Variants in TTC27 observed in about 807,000 individuals in gnomAD.
TTC27 encodes the protein tetratricopeptide repeat domain 27.
Under a neutral mutation model 115.9 loss-of-function variants are expected in TTC27, and 79 were observed. The observed-to-expected ratio is 0.68, with a 90% CI of 0.57 to 0.82. The LOEUF (loss-of-function observed/expected upper bound fraction) is 0.82, where lower values mean the gene tolerates loss of function less well. Among genes scored for constraint, TTC27 ranks in the 40% least tolerant of loss-of-function variants. The pLI, the probability that TTC27 is intolerant of heterozygous loss-of-function variation, is 0.00. For synonymous variants in TTC27, 401 were observed against 356.0 expected, an observed-to-expected ratio of 1.13 and a Z score of -1.42; for missense variants, 1,054 against 993.1, an observed-to-expected ratio of 1.06 and a Z score of -0.82.
At chr2:32,790,099 A>T (rs1195382462) in intron 16 of TTC27, among the ~76,000 whole-genome samples, 2 of 151,902 alleles carry the variant, frequency 1.3e-5, no homozygotes, top group Non-Finnish European at 2.9e-5. Flanking sequence ...TTTAACTTTT[A>T]TCTTAAGTAG....
chr2:32,644,141 A>G (rs1421913116), intron 4 of TTC27, among the ~76,000 whole-genome samples: 1 of 145,416 alleles, frequency 6.9e-6, no homozygotes, highest in East Asian at 2.0e-4. Context: ...AGATCGTTCC[A>G]CTGCACACCA....
intron 3 of TTC27, among the ~76,000 whole-genome samples, chr2:32,639,059 C>G (rs1023013629): frequency 1.3e-5 from 2 of 152,132 alleles, no homozygotes; most frequent in Non-Finnish European, 2.9e-5. Flanking sequence ...GTCTTGATCT[C>G]CTGACCTCGT....
chr2:32,642,247 A>ATTTTT lies in TTC27; in HGVS notation c.537+1855_537+1859dup, dbSNP rs10634857. ...CTAAGCATTTAAGTTTATACACTAA[A>ATTTTT]TTTTTTTTTTTTTTTTTTTTTTGAG... On this transcript the variant is annotated intron_variant, in intron 4 of 19. Coordinates refer to ENST00000317907, the MANE Select transcript of TTC27 (RefSeq NM_017735.5). Among the ~76,000 whole-genome samples the ATTTTT allele has an allele frequency of 9.1e-4, 93 of 102,148 alleles. 2 individuals are homozygous for ATTTTT. The highest frequency in any genetic ancestry group is 1.2e-3 in the East Asian group (4 of 3,300). 67.0% of individuals were successfully genotyped at this position (102,148 alleles called of 152,430 possible). A position where few individuals can be genotyped will look rare whatever the true frequency, so the allele number is the denominator to read the frequency against.
chr2:32,810,906 T>C lies in TTC27; in HGVS notation c.1999-118T>C. 11 of 1,156,984 alleles carry C rather than the reference T, an allele frequency of 9.5e-6. No homozygotes were observed. In the South Asian group the frequency reaches 1.5e-4, roughly 16 times the overall value. The allele number at this position is 1,156,984 out of a possible 1,614,324, so 71.7% of individuals were successfully genotyped here. ...TTTCAAAAGCTTAAAGGTGATACTC[T>C]TAACAAGTTTCATAAGGTTTTTCAT... On this transcript the variant is annotated intron_variant, in intron 16 of 19. Coordinates refer to ENST00000317907, the MANE Select transcript of TTC27 (RefSeq NM_017735.5).
At chr2:32,640,585 G>A (rs1664605515) in intron 4 of TTC27, among the ~76,000 whole-genome samples, 175 bp downstream of exon 4, 1 of 152,220 alleles carries the variant, frequency 6.6e-6, no homozygotes, top group African/African-American at 2.4e-5. Flanking sequence ...TCATGAGATT[G>A]ATCTAGTTTA....
intron 16 of TTC27, among the ~76,000 whole-genome samples, chr2:32,793,577 C>G (rs781663033): frequency 1.3e-5 from 2 of 152,164 alleles, no homozygotes; most frequent in African/African-American, 2.4e-5. Context: ...GGCTGGAATA[C>G]AATGGTGCCA....
At chr2:32,721,174 C>T (rs1295577255) in intron 10 of TTC27, among the ~76,000 whole-genome samples, 1 of 152,140 alleles carries the variant, frequency 6.6e-6, no homozygotes, top group African/African-American at 2.4e-5. Flanking sequence ...ATGTAAGGTT[C>T]TTGTAATGGA....
intron 4 of TTC27, among the ~76,000 whole-genome samples, chr2:32,644,664 A>G (rs932130261): frequency 6.6e-6 from 1 of 152,006 alleles, no homozygotes; most frequent in Non-Finnish European, 1.5e-5. Context: ...CCTGGCCTCA[A>G]GTGATCCTCC....
At chr2:32,743,276 C>G (rs1211059084) in intron 12 of TTC27, among the ~76,000 whole-genome samples, 1 of 152,068 alleles carries the variant, frequency 6.6e-6, no homozygotes, top group East Asian at 1.9e-4. Flanking sequence ...GCACAGATCA[C>G]AGCCAAAAAG....
intron 4 of TTC27, among the ~76,000 whole-genome samples, chr2:32,648,273 G>A (rs978566977): frequency 5.9e-5 from 9 of 151,782 alleles, no homozygotes; most frequent in African/African-American, 9.7e-5. Context: ...GATTACAGGC[G>A]CATGCCACCA....
chr2:32,769,095 T>C (rs1467089079), intron 13 of TTC27, among the ~76,000 whole-genome samples: 1 of 152,066 alleles, frequency 6.6e-6, no homozygotes, highest in African/African-American at 2.4e-5. Context: ...TGAAAGTGAG[T>C]TCTTCACAGA....
chr2:32,663,750 T>A (rs1665650647), intron 5 of TTC27, among the ~76,000 whole-genome samples: 1 of 152,128 alleles, frequency 6.6e-6, no homozygotes, highest in Non-Finnish European at 1.5e-5. Flanking sequence ...AGTGGTGCGA[T>A]CTCAGCTCAC....
rs796252548 is a variant in TTC27, at chr2:32,682,708, G to A, written c.1119+3786G>A. 1.7e-4 allele frequency among the ~76,000 whole-genome samples: 24 copies of A among 138,488 alleles called. 1 individual carries two copies. The highest frequency in any genetic ancestry group is 5.8e-4 in the African/African-American group (22 of 37,846). 90.9% of individuals were successfully genotyped at this position (138,488 alleles called of 152,430 possible). On this transcript the variant is annotated intron_variant, in intron 9 of 19. Coordinates refer to ENST00000317907, the MANE Select transcript of TTC27 (RefSeq NM_017735.5). ...TTTGAAATGGAGTTTTGCTCTTGTC[G>A]CCCAGGCTGGAATGCAATGGCGCGA...
At chr2:32,812,273 G>A (rs1018584478) in intron 17 of TTC27, among the ~76,000 whole-genome samples, 9 of 152,058 alleles carry the variant, frequency 5.9e-5, no homozygotes, top group Admixed American at 4.6e-4. Context: ...TATCTTTCTG[G>A]TTACAGGGAA....
At chr2:32,745,299 T>C (rs1174905839) in intron 12 of TTC27, among the ~76,000 whole-genome samples, 3 of 152,140 alleles carry the variant, frequency 2.0e-5, no homozygotes, top group Admixed American at 6.5e-5. Context: ...TCATCAGGAC[T>C]TTTTAGCTCT....
At chr2:32,742,073 GT>G (rs1668666881) in intron 12 of TTC27, among the ~76,000 whole-genome samples, 1 of 152,092 alleles carries the variant, frequency 6.6e-6, no homozygotes, top group South Asian at 2.1e-4. Flanking sequence ...TTTTATAATT[GT>G]CATATGCTAT....
At chr2:32,729,815 T>TC (rs1423862939) in intron 10 of TTC27, among the ~76,000 whole-genome samples, 2 of 151,994 alleles carry the variant, frequency 1.3e-5, no homozygotes, top group Non-Finnish European at 2.9e-5. Flanking sequence ...TTGCTTCTTC[T>TC]CCCCCTGTCT....
chr2:32,704,810 G>T, intron 10 of TTC27: 1 of 465,836 alleles, frequency 2.1e-6, no homozygotes, highest in East Asian at 7.0e-5. Context: ...TCAGGTCATA[G>T]AATTTTGGCT....
At chr2:32,722,116 G>C (rs890369215) in intron 10 of TTC27, among the ~76,000 whole-genome samples, 1 of 152,166 alleles carries the variant, frequency 6.6e-6, no homozygotes, top group African/African-American at 2.4e-5. Context: ...CTTCATAACT[G>C]ATTAAAAGCA....
Sources: allele counts gnomAD v4.1 joint callset (sites outside exome capture counted in the v4.1 genomes callset), GRCh38; gene constraint gnomAD v4.1.1; transcripts MANE v1.5; gene names NCBI Gene and HGNC (gene_info 2026-07-23, HGNC 2026-07-21).